MFSD8: variants seen among roughly 807,000 people sequenced by gnomAD.
MFSD8 encodes major facilitator superfamily domain-containing protein 8.
A neutral mutation model predicts 66.4 loss-of-function variants in MFSD8; 55 were observed. The observed-to-expected ratio is 0.83, with a 90% CI of 0.67 to 1.04. The LOEUF (loss-of-function observed/expected upper bound fraction) is 1.04. Ranked by LOEUF, MFSD8 falls within the 50% of genes least tolerant of loss-of-function variation. MFSD8 has a pLI of 0.00. For missense variants in MFSD8, 550 were observed against 627.6 expected, an observed-to-expected ratio of 0.88 and a Z score of 1.32; for synonymous variants, 202 against 212.8, an observed-to-expected ratio of 0.95 and a Z score of 0.44.
At chr4:127,936,683 T>C (rs769440006) in intron 7 of MFSD8, among the ~76,000 whole-genome samples, 4 of 151,868 alleles carry the variant, frequency 2.6e-5, no homozygotes, top group Admixed American at 6.5e-5. Flanking sequence ...TATTTTTTAT[T>C]ATAAATTATA....
Position 127,921,668 on chromosome 4 carries a change from C to A in MFSD8, c.1206G>T (p.Ser402=), listed in dbSNP as rs772377066. The A allele has an allele frequency of 6.2e-7, 1 of 1,614,152 alleles. No homozygotes were observed. Residue 402 remains serine, a synonymous_variant, in exon 11 of 12, where the codon TCG becomes TCT. Coordinates refer to ENST00000641686, the MANE Select transcript of MFSD8 (RefSeq NM_001371596.2). ...TGTAGAGGCACCAGGCTTGTTCAAT[C>A]GAGCAACCAGTTGGTCTTTCATTGT... ...EDDNERPTGC[S]IEQAWCLYTP...
chr4:127,936,238 T>A (rs1415496260), intron 7 of MFSD8, among the ~76,000 whole-genome samples: 4 of 151,988 alleles, frequency 2.6e-5, no homozygotes, highest in African/African-American at 9.7e-5. Flanking sequence ...CTCAGCCTCA[T>A]GAGTAGCTGG....
chr4:127,929,392 C>A (rs1477183483), intron 9 of MFSD8, among the ~76,000 whole-genome samples: 5 of 82,854 alleles, frequency 6.0e-5, no homozygotes, highest in African/African-American at 1.4e-4. Flanking sequence ...GCCCAGGAAA[C>A]AAAGCAAGAT....
intron 11 of MFSD8, 165 bp from the exon 12 acceptor site, chr4:127,921,001 T>A: frequency 1.5e-6 from 1 of 651,726 alleles, no homozygotes; most frequent in East Asian, 2.7e-5. Flanking sequence ...GCATTTAATA[T>A]TAAGTCAGAT....
chr4:127,939,094 T>C (rs372333859), intron 6 of MFSD8: 17 of 290,616 alleles, frequency 5.8e-5, no homozygotes, highest in East Asian at 4.1e-4. Flanking sequence ...ACTTTAGTAT[T>C]TGAAGTTTTA....
intron 7 of MFSD8, among the ~76,000 whole-genome samples, chr4:127,934,209 T>C (rs1430309429): frequency 6.6e-6 from 1 of 152,214 alleles, no homozygotes; most frequent in East Asian, 1.9e-4. Flanking sequence ...GCCACTGCAC[T>C]TCAGCCTGGG....
intron 1 of MFSD8, among the ~76,000 whole-genome samples, chr4:127,961,590 G>A (rs1056540324): frequency 6.6e-6 from 1 of 151,938 alleles, no homozygotes; most frequent in Non-Finnish European, 1.5e-5. Context: ...CGAGGCGGGC[G>A]GATCACGAGG....
chr4:127,942,181 C>A, intron 4 of MFSD8, 23 bp from the exon 5 acceptor site: 1 of 1,544,526 alleles, frequency 6.5e-7, no homozygotes. Flanking sequence ...ACACAATAAT[C>A]CAAAGTAAAA....
At chr4:127,947,267 G>A (rs1027754646) in intron 3 of MFSD8, among the ~76,000 whole-genome samples, 1 of 152,042 alleles carries the variant, frequency 6.6e-6, no homozygotes, top group African/African-American at 2.4e-5. Context: ...GCGGGTGCCT[G>A]TAATCCCAGC....
intron 3 of MFSD8, among the ~76,000 whole-genome samples, chr4:127,944,576 G>A (rs1044003326): frequency 2.0e-5 from 3 of 152,132 alleles, no homozygotes; most frequent in Non-Finnish European, 4.4e-5. Context: ...CTTAAGGGGA[G>A]AACCAAATGA....
At chr4:127,949,971 C>A in intron 2 of MFSD8, 124 bp from the exon 3 acceptor site, 2 of 723,908 alleles carry the variant, frequency 2.8e-6, no homozygotes, top group East Asian at 2.9e-5. Context: ...CATACAAATG[C>A]CTAATTTATG....
rs773214617 is a variant in MFSD8, at chr4:127,943,815, T to C, written c.376A>G (p.Ile126Val). The C allele has an allele frequency of 1.9e-5, 30 of 1,614,142 alleles. No individual in the cohort carries two copies. The highest frequency in any genetic ancestry group is 2.4e-5 in the Non-Finnish European group (28 of 1,180,026). Residue 126 changes from isoleucine to valine, a missense_variant, in exon 4 of 12, where the codon ATC becomes GTC. Transcript: ENST00000641686. Reference sequence around the variant, plus strand: ...TAGTATTTATTATGAGAAGCTGGGATGTGGAGATATGCATAGAGGCAGTTG... The same window carrying C: ...TAGTATTTATTATGAGAAGCTGGGACGTGGAGATATGCATAGAGGCAGTTG... ...AANCLYAYLH[I>V]PASHNKYYML...
chr4:127,922,460 C>CA (rs1178579494), intron 9 of MFSD8, among the ~76,000 whole-genome samples: 1 of 151,956 alleles, frequency 6.6e-6, no homozygotes, highest in Non-Finnish European at 1.5e-5. Context: ...CCCATCTCTA[C>CA]AAAAAATTTT....
At chr4:127,929,579 C>T (rs556849006) in intron 9 of MFSD8, among the ~76,000 whole-genome samples, 28 of 149,320 alleles carry the variant, frequency 1.9e-4, no homozygotes, top group Admixed American at 5.4e-4. Context: ...CAGAGTGAGA[C>T]GCCATCTTTT....
rs1207748190 is a variant in MFSD8 at position 127,965,075 on chromosome 4, C to T, written c.59G>A (p.Ser20Asn). The change falls in exon 1 of 12, where the codon AGC becomes AAC. Residue 20 changes from serine (S) to asparagine (N), a missense_variant. Coordinates refer to ENST00000641686, the MANE Select transcript of MFSD8 (RefSeq NM_001371596.2). ...QEPLLGDTPG[S>N]REWDILETEE... ...CCCTCCACCAGGATCCGCTCACCTG[C>T]TTCCAGGTGTGTCGCCTAAGAGCGG... 4 of 1,613,784 alleles carry T rather than the reference C, an allele frequency of 2.5e-6. No homozygotes were observed. Among genetic ancestry groups the T allele is most frequent in the Non-Finnish European group, 3.4e-6 (4 of 1,179,958 alleles).
chr4:127,925,671 G>A (rs1737083512), intron 9 of MFSD8, among the ~76,000 whole-genome samples: 1 of 152,192 alleles, frequency 6.6e-6, no homozygotes, highest in Non-Finnish European at 1.5e-5. Flanking sequence ...CATTGTGGAA[G>A]ACAGTGTGGC....
intron 2 of MFSD8, among the ~76,000 whole-genome samples, chr4:127,951,783 C>T (rs1011390824): frequency 2.0e-5 from 3 of 147,146 alleles, no homozygotes; most frequent in Non-Finnish European, 4.5e-5. Context: ...GGCTGGAGTG[C>T]AGTGGCGCAA....
intron 5 of MFSD8, among the ~76,000 whole-genome samples, chr4:127,941,833 C>T (rs1740247015): frequency 6.6e-6 from 1 of 152,090 alleles, no homozygotes; most frequent in African/African-American, 2.4e-5. Context: ...TGCACTGGCA[C>T]TCTCAACTAT....
chr4:127,957,659 GT>G (rs1474911060), intron 1 of MFSD8, 67 bp from the exon 2 acceptor site: 122 of 1,053,312 alleles, frequency 1.2e-4, no homozygotes, highest in Non-Finnish European at 1.7e-4. Context: ...AGTGTCAACA[GT>G]TTTATTCTCT....
Sources: allele counts gnomAD v4.1 joint callset (sites outside exome capture counted in the v4.1 genomes callset), GRCh38; gene constraint gnomAD v4.1.1; transcripts MANE v1.5; gene names NCBI Gene and HGNC (gene_info 2026-07-23, HGNC 2026-07-21).